Variants in CADPS2 observed in about 807,000 individuals in gnomAD.
CADPS2 encodes the protein calcium dependent secretion activator 2.
A neutral mutation model predicts 172.5 loss-of-function variants in CADPS2; 93 were observed. That is an observed-to-expected ratio of 0.54 (90% CI 0.46 to 0.64). The LOEUF (loss-of-function observed/expected upper bound fraction) is 0.64. CADPS2 is among the 30% of genes least tolerant of loss of function. CADPS2 has a pLI of 0.00. For synonymous variants in CADPS2, 546 were observed against 555.2 expected (o/e 0.98, Z 0.23); for missense variants, 1,420 against 1,565.9 (o/e 0.91, Z 1.57).
intron 1 of CADPS2, among the ~76,000 whole-genome samples, chr7:122,746,125 T>C (rs1400122283): frequency 6.6e-6 from 1 of 152,146 alleles, no homozygotes; most frequent in Non-Finnish European, 1.5e-5. Flanking sequence ...AAATGCTTTA[T>C]AATTGCCATG....
At chr7:122,487,434 G>A (rs1341840085) in intron 11 of CADPS2, among the ~76,000 whole-genome samples, 2 of 152,012 alleles carry the variant, frequency 1.3e-5, no homozygotes, top group African/African-American at 4.8e-5. Context: ...CCTGTATAAA[G>A]ACCTCTCAAA....
chr7:122,618,674 C>T (rs1399270517), intron 5 of CADPS2, among the ~76,000 whole-genome samples: 3 of 152,176 alleles, frequency 2.0e-5, no homozygotes, highest in East Asian at 3.9e-4. Flanking sequence ...GATTTAACTG[C>T]TTGCCTTTCA....
intron 20 of CADPS2, among the ~76,000 whole-genome samples, chr7:122,402,293 A>G (rs1242006112): frequency 6.6e-6 from 1 of 152,170 alleles, no homozygotes; most frequent in Non-Finnish European, 1.5e-5. Context: ...AGATGATATT[A>G]TTTTATAAAT....
At chr7:122,464,562 G>T (rs1225726021) in intron 14 of CADPS2, among the ~76,000 whole-genome samples, 1 of 152,134 alleles carries the variant, frequency 6.6e-6, no homozygotes, top group Non-Finnish European at 1.5e-5. Flanking sequence ...GTAGAGAAAT[G>T]TGACAAATAC....
In CADPS2 at chr7:122,705,291, C is replaced by T. The variant is rs570465422; in HGVS notation, c.453+31664G>A. Among the ~76,000 whole-genome samples the T allele has an allele frequency of 4.6e-5, 7 of 151,270 alleles. No homozygotes were observed. The South Asian group carries it at 1.5e-3, about 31-fold the overall frequency. On this transcript the variant is annotated intron_variant, in intron 2 of 29. Transcript: ENST00000449022. Reference sequence around the variant, plus strand: ...GAGAGAGACTGGATGATTGAGGCTACTGTAATCTGTTCCTTTTAGATCATT... The same window carrying T: ...GAGAGAGACTGGATGATTGAGGCTATTGTAATCTGTTCCTTTTAGATCATT...
At chr7:122,358,051 CA>C (rs1298553376) in intron 27 of CADPS2, among the ~76,000 whole-genome samples, 3 of 152,106 alleles carry the variant, frequency 2.0e-5, no homozygotes, top group Middle Eastern at 3.2e-3. Context: ...AAGAAACTGG[CA>C]AACAGTTTTC....
chr7:122,853,575 T>G (rs997374276), intron 1 of CADPS2, among the ~76,000 whole-genome samples: 2 of 152,222 alleles, frequency 1.3e-5, no homozygotes, highest in African/African-American at 4.8e-5. Context: ...TAGCTCCCTA[T>G]ACCAAATCCC....
intron 7 of CADPS2, among the ~76,000 whole-genome samples, chr7:122,557,809 A>C (rs1469461745): frequency 1.3e-5 from 2 of 152,186 alleles, no homozygotes; most frequent in African/African-American, 4.8e-5. Flanking sequence ...TGTTGCTAGT[A>C]AACAGCTAAT....
intron 8 of CADPS2, among the ~76,000 whole-genome samples, chr7:122,536,895 C>A (rs2062346305): frequency 6.6e-6 from 1 of 151,876 alleles, no homozygotes; most frequent in Non-Finnish European, 1.5e-5. Flanking sequence ...TAATGAAATG[C>A]CTGATGAATG....
chr7:122,516,922 TA>T (rs887766583), intron 8 of CADPS2, among the ~76,000 whole-genome samples: 3 of 151,376 alleles, frequency 2.0e-5, no homozygotes, highest in African/African-American at 7.3e-5. Context: ...ATAGTTTACA[TA>T]AAGTAAAATT....
chr7:122,400,045 A>T (rs1220508879), intron 20 of CADPS2, among the ~76,000 whole-genome samples: 1 of 151,962 alleles, frequency 6.6e-6, no homozygotes, highest in East Asian at 1.9e-4. Flanking sequence ...CAAGAAACAC[A>T]CTGGCATTTT....
chr7:122,324,680 A>G (rs2033440908), intron 29 of CADPS2, among the ~76,000 whole-genome samples: 1 of 152,168 alleles, frequency 6.6e-6, no homozygotes, highest in Admixed American at 6.5e-5. Flanking sequence ...CTATAATGAA[A>G]GTAAAGGTCT....
chr7:122,419,208 A>C (rs1374699733), intron 17 of CADPS2, among the ~76,000 whole-genome samples: 4 of 152,192 alleles, frequency 2.6e-5, no homozygotes, highest in Admixed American at 2.6e-4. Flanking sequence ...AAAGAATGTT[A>C]AAAAATTCAA....
At chr7:122,750,625 G>A (rs1462422168) in intron 1 of CADPS2, among the ~76,000 whole-genome samples, 1 of 152,080 alleles carries the variant, frequency 6.6e-6, no homozygotes, top group Non-Finnish European at 1.5e-5. Flanking sequence ...TTGACATCCT[G>A]TGCAATACTA....
At position 122,474,530 on chromosome 7, in the gene CADPS2, G is replaced by T. The variant is rs771305115; in HGVS notation, c.1862-13C>A. ...AAACGATCTGCATCTGTAAATTCAGGAAAGCATGTACAGTATATTTACTTT... is the reference window on the plus strand; with the variant it reads ...AAACGATCTGCATCTGTAAATTCAGTAAAGCATGTACAGTATATTTACTTT... On this transcript the variant is annotated splice_polypyrimidine_tract_variant and intron_variant, in intron 12 of 29. Transcript: ENST00000449022. 3 of 1,609,650 alleles carry T rather than the reference G, an allele frequency of 1.9e-6. No individual in the cohort carries two copies. The highest frequency in any genetic ancestry group is 2.5e-6 in the Non-Finnish European group (3 of 1,177,792).
intron 2 of CADPS2, among the ~76,000 whole-genome samples, chr7:122,704,327 C>T (rs1182025702): frequency 6.6e-6 from 1 of 151,794 alleles, no homozygotes; most frequent in African/African-American, 2.4e-5. Flanking sequence ...ATTCAGGTAA[C>T]ACCTGAACTG....
At chr7:122,490,043 A>C in intron 11 of CADPS2, 38 bp downstream of exon 11, 1 of 1,557,456 alleles carries the variant, frequency 6.4e-7, no homozygotes, top group Admixed American at 1.7e-5. Context: ...TATTAAGGCT[A>C]TTAATTGATA....
chr7:122,536,755 AGAAAACCTCAACTCTCAC>A (rs2131461937), intron 8 of CADPS2, among the ~76,000 whole-genome samples: 1 of 152,196 alleles, frequency 6.6e-6, no homozygotes, highest in South Asian at 2.1e-4. Flanking sequence ...TTTCAGATTC[AGAAAACCTCAACTCTCAC>A]ATCAGAGGTC....
intron 15 of CADPS2, among the ~76,000 whole-genome samples, chr7:122,442,123 T>A (rs1294931638): frequency 6.6e-6 from 1 of 152,190 alleles, no homozygotes; most frequent in Non-Finnish European, 1.5e-5. Context: ...CCCAAATATT[T>A]CTAGTTCTAC....
Sources: allele counts gnomAD v4.1 joint callset (sites outside exome capture counted in the v4.1 genomes callset), GRCh38; gene constraint gnomAD v4.1.1; transcripts MANE v1.5; gene names NCBI Gene and HGNC (gene_info 2026-07-23, HGNC 2026-07-21).